SPOCK3: variants seen among roughly 807,000 people sequenced by gnomAD.
SPOCK3 encodes the protein SPARC (osteonectin), cwcv and kazal like domains proteoglycan 3, also known as testican-3.
A neutral mutation model predicts 56.6 loss-of-function variants in SPOCK3; 30 were observed. The observed-to-expected ratio is 0.53, with a 90% CI of 0.40 to 0.72. The LOEUF (loss-of-function observed/expected upper bound fraction) is 0.72. Ranked by LOEUF, SPOCK3 falls within the 30% of genes least tolerant of loss-of-function variation. The probability of loss-of-function intolerance (pLI) is 0.00; values close to 1 mark genes in which losing one functional copy is unlikely to be tolerated. For missense variants in SPOCK3, 527 were observed against 530.0 expected (o/e 0.99, Z 0.06); for synonymous variants, 196 against 183.3 (o/e 1.07, Z -0.56).
At chr4:167,047,353 T>C (rs1023212825) in intron 3 of SPOCK3, among the ~76,000 whole-genome samples, 1 of 152,192 alleles carries the variant, frequency 6.6e-6, no homozygotes, top group South Asian at 2.1e-4. Context: ...TATTTTGCTT[T>C]TGACTGAAGA....
chr4:167,037,291 G>A (rs1015505011), intron 3 of SPOCK3, among the ~76,000 whole-genome samples: 2 of 152,150 alleles, frequency 1.3e-5, no homozygotes, highest in Admixed American at 1.3e-4. Flanking sequence ...AGGCCATACC[G>A]GCCAACATGG....
intron 2 of SPOCK3, among the ~76,000 whole-genome samples, chr4:167,092,041 A>G (rs1174314494): frequency 6.6e-6 from 1 of 152,122 alleles, no homozygotes; most frequent in Non-Finnish European, 1.5e-5. Context: ...TGTAGCTCCC[A>G]GAGAGATCAA....
chr4:167,073,663 T>C (rs182173647), intron 2 of SPOCK3, among the ~76,000 whole-genome samples: 1 of 152,054 alleles, frequency 6.6e-6, no homozygotes, highest in East Asian at 1.9e-4. Flanking sequence ...AACTGAAAGC[T>C]GTTTTGTTCC....
At chr4:167,100,426 CTCTT>C (rs999068108) in intron 2 of SPOCK3, among the ~76,000 whole-genome samples, 2 of 151,364 alleles carry the variant, frequency 1.3e-5, no homozygotes, top group East Asian at 1.9e-4. Flanking sequence ...TCTCTCTTCT[CTCTT>C]TCTTTCTCTC....
intron 5 of SPOCK3, among the ~76,000 whole-genome samples, chr4:166,898,819 T>C (rs1735691822): frequency 6.6e-6 from 1 of 152,180 alleles, no homozygotes; most frequent in Admixed American, 6.5e-5. Flanking sequence ...TGTGTAAATC[T>C]GAATGGGCTA....
chr4:166,816,352 T>C (rs755913192), intron 6 of SPOCK3, among the ~76,000 whole-genome samples: 4 of 152,118 alleles, frequency 2.6e-5, no homozygotes, highest in Non-Finnish European at 5.9e-5. Context: ...ACCTTCTTTA[T>C]ATATCCTAGG....
At chr4:166,743,220 T>A (rs80336024) in intron 8 of SPOCK3, among the ~76,000 whole-genome samples, 1 of 152,170 alleles carries the variant, frequency 6.6e-6, no homozygotes, top group Non-Finnish European at 1.5e-5. Flanking sequence ...CATTAGAAAA[T>A]AGTAAAACTG....
chr4:166,789,289 C>A lies in SPOCK3; in HGVS notation c.709+2881G>T, dbSNP rs372797123. ...TACTAAAAATACAAAATAACCCGGGCGTGGTGATGCATGCCTGTAATCCCA... is the reference window on the plus strand; with the variant it reads ...TACTAAAAATACAAAATAACCCGGGAGTGGTGATGCATGCCTGTAATCCCA... On this transcript the variant is annotated intron_variant, in intron 7 of 10. Transcript: ENST00000357545. Among the ~76,000 whole-genome samples the A allele has an allele frequency of 3.3e-5, 5 of 151,726 alleles. No individual in the cohort carries two copies. In the East Asian group the frequency reaches 5.8e-4, roughly 18 times the overall value.
intron 2 of SPOCK3, among the ~76,000 whole-genome samples, chr4:167,168,503 T>C (rs753834681): frequency 4.1e-4 from 63 of 152,108 alleles, no homozygotes; most frequent in Non-Finnish European, 7.8e-4. Context: ...TTTTGGGAAC[T>C]AGAGTAAATG....
chr4:166,973,717 G>A (rs762135172), intron 4 of SPOCK3, among the ~76,000 whole-genome samples: 21 of 152,082 alleles, frequency 1.4e-4, no homozygotes, highest in East Asian at 3.8e-4. Flanking sequence ...ATACACTGTC[G>A]CTAGACAAAG....
chr4:166,773,605 T>C (rs1362831002), intron 7 of SPOCK3, among the ~76,000 whole-genome samples: 1 of 152,184 alleles, frequency 6.6e-6, no homozygotes, highest in Non-Finnish European at 1.5e-5. Context: ...CTTCTTCTTA[T>C]GTTCTTTTAC....
At chr4:167,220,253 C>T (rs1735769629) in intron 2 of SPOCK3, among the ~76,000 whole-genome samples, 1 of 152,042 alleles carries the variant, frequency 6.6e-6, no homozygotes, top group Non-Finnish European at 1.5e-5. Flanking sequence ...GTCAAATTCT[C>T]TTCAGCCAAG....
chr4:167,138,415 T>C (rs1763283862), intron 2 of SPOCK3, among the ~76,000 whole-genome samples: 1 of 151,872 alleles, frequency 6.6e-6, no homozygotes, highest in Non-Finnish European at 1.5e-5. Flanking sequence ...ATTTATATTG[T>C]CATTGAGAGA....
At chr4:166,744,076 G>T (rs113465405) in intron 8 of SPOCK3, among the ~76,000 whole-genome samples, 9,998 of 152,188 alleles carry the variant, frequency 0.066, 382 homozygotes, top group African/African-American at 0.089. Context: ...AGACTTAAAC[G>T]TCCCTGTCTG....
At chr4:166,748,494 A>G (rs1321473004) in intron 8 of SPOCK3, among the ~76,000 whole-genome samples, 1 of 137,330 alleles carries the variant, frequency 7.3e-6, no homozygotes, top group Non-Finnish European at 1.5e-5. Context: ...CTCAAGATGG[A>G]TTAAAGACTT....
chr4:166,929,421 T>C (rs10461314), intron 4 of SPOCK3, among the ~76,000 whole-genome samples: 58,029 of 152,040 alleles, frequency 0.38, 12,365 homozygotes, highest in East Asian at 0.7. Flanking sequence ...GTGCTCACAA[T>C]GTAGGTGCAA....
chr4:167,223,812 A>T (rs1386417705), intron 2 of SPOCK3, among the ~76,000 whole-genome samples: 8 of 152,106 alleles, frequency 5.3e-5, no homozygotes, highest in Non-Finnish European at 1.2e-4. Flanking sequence ...GTGAACTTAT[A>T]ATACTCCTTG....
intron 4 of SPOCK3, among the ~76,000 whole-genome samples, chr4:166,941,783 G>A (rs1399753711): frequency 6.6e-6 from 1 of 152,194 alleles, no homozygotes; most frequent in South Asian, 2.1e-4. Context: ...GAGTAGTCCT[G>A]TAGTGAGTTC....
chr4:166,971,271 T>C (rs1175197595), intron 4 of SPOCK3, among the ~76,000 whole-genome samples: 1 of 151,818 alleles, frequency 6.6e-6, no homozygotes, highest in African/African-American at 2.4e-5. Flanking sequence ...TTTTTATTTT[T>C]CCCCCCATGT....
Sources: allele counts gnomAD v4.1 joint callset (sites outside exome capture counted in the v4.1 genomes callset), GRCh38; gene constraint gnomAD v4.1.1; transcripts MANE v1.5; gene names NCBI Gene and HGNC (gene_info 2026-07-23, HGNC 2026-07-21).